The following DIAPH3 variants were observed in gnomAD, a reference collection of about 807,000 sequenced individuals.
DIAPH3 encodes protein diaphanous homolog 3.
A neutral mutation model predicts 144.3 loss-of-function variants in DIAPH3; 117 were observed. The observed-to-expected ratio is 0.81, with a 90% CI of 0.70 to 0.95. The LOEUF (loss-of-function observed/expected upper bound fraction) is 0.95, where lower values mean the gene tolerates loss of function less well. DIAPH3 is among the 40% of genes least tolerant of loss of function. DIAPH3 has a pLI of 0.00. For missense variants in DIAPH3, 1,421 were observed against 1,412.7 expected (o/e 1.01, Z -0.09); for synonymous variants, 519 against 488.9 (o/e 1.06, Z -0.81).
intron 2 of DIAPH3, among the ~76,000 whole-genome samples, chr13:60,116,239 T>C (rs2058700085): frequency 6.6e-6 from 1 of 152,112 alleles, no homozygotes; most frequent in South Asian, 2.1e-4. Context: ...TAGGTAATTA[T>C]ATAGCTACAC....
chr13:59,793,675 T>C (rs2039436394), intron 25 of DIAPH3, among the ~76,000 whole-genome samples: 1 of 152,160 alleles, frequency 6.6e-6, no homozygotes, highest in African/African-American at 2.4e-5. Context: ...TTCCTTGAAT[T>C]TTCCATTGGT....
At chr13:59,884,070 A>C (rs1396269510) in intron 20 of DIAPH3, among the ~76,000 whole-genome samples, 1 of 152,170 alleles carries the variant, frequency 6.6e-6, no homozygotes, top group Non-Finnish European at 1.5e-5. Flanking sequence ...ATCTGTATTT[A>C]TAGCTGCTCC....
intron 1 of DIAPH3, among the ~76,000 whole-genome samples, chr13:60,140,324 C>T (rs955725833): frequency 2.0e-5 from 3 of 152,292 alleles, no homozygotes; most frequent in Middle Eastern, 3.4e-3. Context: ...AATTCTACTT[C>T]TAGAATCCAT....
chr13:59,772,965 T>C (rs2139268563), intron 27 of DIAPH3, among the ~76,000 whole-genome samples: 1 of 152,256 alleles, frequency 6.6e-6, no homozygotes, highest in South Asian at 2.1e-4. Flanking sequence ...TTTCTATTTA[T>C]TCATGGATAA....
intron 17 of DIAPH3, among the ~76,000 whole-genome samples, chr13:59,937,493 G>C (rs1398397737): frequency 6.6e-6 from 1 of 152,150 alleles, no homozygotes; most frequent in Non-Finnish European, 1.5e-5. Flanking sequence ...AGCAACTTGA[G>C]ACTAGAAGAA....
At chr13:59,714,530 G>A (rs1456220157) in intron 27 of DIAPH3, among the ~76,000 whole-genome samples, 1 of 152,182 alleles carries the variant, frequency 6.6e-6, no homozygotes, top group Non-Finnish European at 1.5e-5. Flanking sequence ...GTGAGACCAT[G>A]TCTAAGTTAG....
At chr13:60,109,247 G>A (rs1358961810) in intron 3 of DIAPH3, among the ~76,000 whole-genome samples, 1 of 152,164 alleles carries the variant, frequency 6.6e-6, no homozygotes, top group Non-Finnish European at 1.5e-5. Flanking sequence ...GTGTGTGACT[G>A]CCACAGAACC....
intron 20 of DIAPH3, among the ~76,000 whole-genome samples, chr13:59,908,816 C>T (rs944492787): frequency 3.9e-5 from 6 of 152,070 alleles, no homozygotes; most frequent in South Asian, 2.1e-4. Flanking sequence ...CATCAGTCTA[C>T]GGAACCTAAA....
intron 20 of DIAPH3, among the ~76,000 whole-genome samples, chr13:59,886,574 C>T (rs1286252304): frequency 6.6e-6 from 1 of 151,970 alleles, no homozygotes; most frequent in Non-Finnish European, 1.5e-5. Context: ...CTTAACAATA[C>T]CAACTCTTCC....
At chr13:59,763,750 TG>T (rs756033046) in intron 27 of DIAPH3, among the ~76,000 whole-genome samples, 8 of 152,200 alleles carry the variant, frequency 5.3e-5, no homozygotes, top group Non-Finnish European at 1.2e-4. Flanking sequence ...ATTTTTCTTT[TG>T]TTCTTCATAT....
chr13:59,779,754 TGCCAGCC>T (rs769096785), intron 25 of DIAPH3, among the ~76,000 whole-genome samples: 14 of 152,074 alleles, frequency 9.2e-5, no homozygotes, highest in Non-Finnish European at 1.8e-4. Context: ...TCAGGTTATC[TGCCAGCC>T]TAGGCTTCCC....
chr13:59,960,233 T>A (rs1164683111), intron 17 of DIAPH3, among the ~76,000 whole-genome samples: 2 of 152,206 alleles, frequency 1.3e-5, no homozygotes, highest in Non-Finnish European at 2.9e-5. Flanking sequence ...TCACTTTCAT[T>A]TAAGCTAAAA....
intron 4 of DIAPH3, among the ~76,000 whole-genome samples, chr13:60,085,503 C>T (rs2057717662): frequency 6.6e-6 from 1 of 152,038 alleles, no homozygotes; most frequent in Non-Finnish European, 1.5e-5. Context: ...AATATTGATA[C>T]CTGGGTCCCA....
intron 1 of DIAPH3, among the ~76,000 whole-genome samples, chr13:60,135,485 A>G (rs558178396): frequency 4.6e-5 from 7 of 152,290 alleles, no homozygotes; most frequent in African/African-American, 1.7e-4. Context: ...GTAGATGTGG[A>G]GAGTATAACA....
chr13:59,799,253 T>C lies in DIAPH3; in HGVS notation c.3163+11535A>G, dbSNP rs116830740. Among the ~76,000 whole-genome samples, 496 of 151,880 alleles carry C rather than the reference T, an allele frequency of 3.3e-3. 2 individuals are homozygous for C. The highest frequency in any genetic ancestry group is 0.011 in the African/African-American group (443 of 41,408). ...TGCCAACTGAACCAGAAAGAGGGCA[T>C]ATGCACAGAAGGGTGGCCGAAGCTG... On this transcript the variant is annotated intron_variant, in intron 25 of 27. Coordinates refer to ENST00000400324, the MANE Select transcript of DIAPH3 (RefSeq NM_001042517.2).
At chr13:59,922,799 GATAT>G (rs1159989409) in intron 18 of DIAPH3, among the ~76,000 whole-genome samples, 2 of 151,946 alleles carry the variant, frequency 1.3e-5, no homozygotes, top group Admixed American at 6.6e-5. Context: ...AAATGAATAG[GATAT>G]ATATACTCTA....
At chr13:59,888,100 T>C (rs1414139692) in intron 20 of DIAPH3, among the ~76,000 whole-genome samples, 4 of 152,110 alleles carry the variant, frequency 2.6e-5, no homozygotes, top group Non-Finnish European at 5.9e-5. Flanking sequence ...TTTGAGTGTT[T>C]GTGTCCCACC....
rs142422864 is a variant in DIAPH3, at chr13:60,145,026, C to T, written c.181-12037G>A. On this transcript the variant is annotated intron_variant, in intron 1 of 27. Transcript: ENST00000400324. Reference sequence around the variant, plus strand: ...TATGATACAGCCCACCTTATCACTACTACTACACCTTACTGGACACTTTGC... The same window carrying T: ...TATGATACAGCCCACCTTATCACTATTACTACACCTTACTGGACACTTTGC... Among the ~76,000 whole-genome samples, 5 of 152,318 alleles carry T rather than the reference C, an allele frequency of 3.3e-5. No homozygotes were observed. The East Asian group carries it at 9.6e-4, about 29-fold the overall frequency.
Position 59,696,275 on chromosome 13 carries a change from T to C in DIAPH3, c.3320-29429A>G, listed in dbSNP as rs544763908. The C allele has an allele frequency of 8.5e-5, 13 of 152,356 alleles. No homozygotes were observed. In the East Asian group the frequency reaches 1.9e-3, roughly 23 times the overall value. The allele number at this position is 152,356 out of a possible 1,614,324, so 9.4% of individuals were successfully genotyped here. On this transcript the variant is annotated intron_variant, in intron 27 of 27. Coordinates refer to ENST00000400324, the MANE Select transcript of DIAPH3 (RefSeq NM_001042517.2). Reference sequence around the variant, plus strand: ...CTCAATGGATTTCATATTATCTGGATTGATTTTTGAACATTAAACAACAGA... The same window carrying C: ...CTCAATGGATTTCATATTATCTGGACTGATTTTTGAACATTAAACAACAGA...
Sources: allele counts gnomAD v4.1 joint callset (sites outside exome capture counted in the v4.1 genomes callset), GRCh38; gene constraint gnomAD v4.1.1; transcripts MANE v1.5; gene names NCBI Gene and HGNC (gene_info 2026-07-23, HGNC 2026-07-21).